ZZEF1: variants seen among roughly 807,000 people sequenced by gnomAD.
The protein encoded by ZZEF1 is zinc finger ZZ-type and EF-hand domain-containing protein 1.
Under a neutral mutation model 342.8 loss-of-function variants are expected in ZZEF1, and 157 were observed. That is an observed-to-expected ratio of 0.46 (90% CI 0.40 to 0.52). The LOEUF is 0.52. ZZEF1 is among the 20% of genes least tolerant of loss of function. The pLI, the probability that ZZEF1 is intolerant of heterozygous loss-of-function variation, is 0.00. For missense variants in ZZEF1, 3,480 were observed against 3,725.6 expected (o/e 0.93, Z 1.72); for synonymous variants, 1,505 against 1,429.1 (o/e 1.05, Z -1.20).
At chr17:4,062,044 C>A (rs953689203) in intron 30 of ZZEF1, among the ~76,000 whole-genome samples, 1 of 152,132 alleles carries the variant, frequency 6.6e-6, no homozygotes, top group Non-Finnish European at 1.5e-5. Flanking sequence ...CCTTTCTCAC[C>A]TTATCCCATC....
chr17:4,133,687 A>G (rs534476294), intron 1 of ZZEF1, among the ~76,000 whole-genome samples: 1 of 151,112 alleles, frequency 6.6e-6, no homozygotes, highest in East Asian at 1.9e-4. Context: ...ATTCTATATA[A>G]CCAAGGCTAT....
intron 42 of ZZEF1, 102 bp downstream of exon 42, chr17:4,032,024 T>A (rs1025613468): frequency 4.6e-6 from 6 of 1,302,106 alleles, no homozygotes; most frequent in Non-Finnish European, 6.2e-6. Context: ...TTTAAAAAAA[T>A]CACACGCAGG....
chr17:4,141,408 C>T lies in ZZEF1; in HGVS notation c.354+1134G>A, dbSNP rs544535955. ...TTTACTGCTTTATGTACACACCCTT[C>T]GTGGCCACTGAAGATTCTACATGAC... On this transcript the variant is annotated intron_variant, in intron 1 of 54. Transcript: ENST00000381638. Among the ~76,000 whole-genome samples the T allele has an allele frequency of 6.3e-4, 96 of 152,288 alleles. 3 individuals are homozygous for T. In the Middle Eastern group the frequency reaches 0.017, roughly 27 times the overall value.
At position 4,014,563 on chromosome 17, in the gene ZZEF1, CACTG is replaced by C; in HGVS notation, c.8146-52_8146-49del. ...ACATCTGTCGATGCTGCTCACTAGA[CACTG>C]ACTGCAGCTGTCCCATGCCGAGTCC... On this transcript the variant is annotated intron_variant, in intron 49 of 54. Coordinates refer to ENST00000381638, the MANE Select transcript of ZZEF1 (RefSeq NM_015113.4). This position sits in a 1 kb window ranked among gnomAD's most constrained non-coding sequence, Gnocchi z 4.4. 6.3e-7 allele frequency: 1 copy of C among 1,594,486 alleles called. No individual in the cohort carries two copies. The highest frequency in any genetic ancestry group is 8.6e-7 in the Non-Finnish European group (1 of 1,164,356).
intron 42 of ZZEF1, among the ~76,000 whole-genome samples, chr17:4,026,362 A>G (rs1330462334): frequency 6.6e-6 from 1 of 152,342 alleles, no homozygotes; most frequent in East Asian, 1.9e-4. Flanking sequence ...CAGAAGAAAC[A>G]TAAAGAAAAT....
Position 4,059,214 on chromosome 17 carries a change from A to G in ZZEF1, c.4960T>C (p.Phe1654Leu), listed in dbSNP as rs774716075. The change falls in exon 31 of 55, where the codon TTT (phenylalanine) becomes CTT (leucine). Residue 1654 changes from phenylalanine to leucine, a missense_variant. By Grantham distance (22) the Phe-to-Leu change is conservative. Coordinates refer to ENST00000381638, the MANE Select transcript of ZZEF1 (RefSeq NM_015113.4). ...AATCCTTTAACTGCTTTGACCAAAA[A>G]CAGAACAAGTTGATAGTAAGTGTCT... is the stretch of plus-strand genomic sequence containing the variant. ...IRDTYYQLVL[F>L]LVKAVKGFSS... 2.5e-6 allele frequency: 4 copies of G among 1,608,438 alleles called. No homozygotes were observed. The South Asian group carries it at 4.5e-5, about 18-fold the overall frequency.
intron 26 of ZZEF1, among the ~76,000 whole-genome samples, chr17:4,067,812 C>A (rs557914286): frequency 6.6e-6 from 1 of 152,270 alleles, no homozygotes; most frequent in African/African-American, 2.4e-5. Context: ...TAGCTCCCTG[C>A]AGCCTCAAAC....
At chr17:4,100,878 A>G (rs1430372553) in intron 9 of ZZEF1, among the ~76,000 whole-genome samples, 1 of 152,162 alleles carries the variant, frequency 6.6e-6, no homozygotes, top group Non-Finnish European at 1.5e-5. Flanking sequence ...ACTTCCTCAC[A>G]TGCTCCAGGA....
At chr17:4,096,431 A>G (rs1044591858) in intron 10 of ZZEF1, among the ~76,000 whole-genome samples, 178 bp downstream of exon 10, 2 of 152,234 alleles carry the variant, frequency 1.3e-5, no homozygotes, top group Non-Finnish European at 2.9e-5. Context: ...TTATAACACA[A>G]AGACTAAATG....
chr17:4,049,469 C>T (rs767517703), intron 37 of ZZEF1, among the ~76,000 whole-genome samples: 2 of 152,120 alleles, frequency 1.3e-5, no homozygotes, highest in East Asian at 1.9e-4. Flanking sequence ...GCCAAGATCA[C>T]GCCACTGCAC....
chr17:4,091,867 AG>A (rs965754581), intron 11 of ZZEF1, among the ~76,000 whole-genome samples: 4 of 151,616 alleles, frequency 2.6e-5, no homozygotes, highest in African/African-American at 9.7e-5. Context: ...ACCTGAGGTC[AG>A]GAATTCGAGA....
Position 4,059,294 on chromosome 17 carries a change from G to C in ZZEF1, c.4884-4C>G. The C allele has an allele frequency of 6.3e-7, 1 of 1,591,920 alleles. No individual in the cohort carries two copies. The highest frequency in any genetic ancestry group is 8.5e-7 in the Non-Finnish European group (1 of 1,175,212). On this transcript the variant is annotated splice_polypyrimidine_tract_variant and splice_region_variant and intron_variant, in intron 30 of 54. Coordinates refer to ENST00000381638, the MANE Select transcript of ZZEF1 (RefSeq NM_015113.4). ...GCCTTCCAGGTGTCCAAAATAACTA[G>C]AAACAGAGGAAATCACTGATTCACT... is the stretch of plus-strand genomic sequence containing the variant.
In ZZEF1 at chr17:4,022,230, C is replaced by T. The variant is rs146837816; in HGVS notation, c.7212+479G>A. Among the ~76,000 whole-genome samples the T allele has an allele frequency of 2.7e-4, 41 of 152,216 alleles. 1 individual carries two copies. The East Asian group carries it at 5.6e-3, about 21-fold the overall frequency. ...CTACATGATGGCAGCCTTTCCTGGG[C>T]CGAAAGTTGGCACTGGGCACAGAAA... is the stretch of plus-strand genomic sequence containing the variant. On this transcript the variant is annotated intron_variant, in intron 44 of 54. Coordinates refer to ENST00000381638, the MANE Select transcript of ZZEF1 (RefSeq NM_015113.4).
intron 1 of ZZEF1, among the ~76,000 whole-genome samples, chr17:4,138,199 G>A (rs2058785897): frequency 6.6e-6 from 1 of 152,238 alleles, no homozygotes; most frequent in South Asian, 2.1e-4. Flanking sequence ...AAAGCTGGCA[G>A]CCTGCTGTTG....
In ZZEF1 at chr17:4,052,283, G is replaced by A. The variant is rs998174850; in HGVS notation, c.5435-147C>T. 8 of 747,574 alleles carry A rather than the reference G, an allele frequency of 1.1e-5. No individual in the cohort carries two copies. In the South Asian group the frequency reaches 1.2e-4, roughly 11 times the overall value. 46.3% of individuals were successfully genotyped at this position (747,574 alleles called of 1,614,324 possible). A position where few individuals can be genotyped will look rare whatever the true frequency, so the allele number is the denominator to read the frequency against. Reference sequence around the variant, plus strand: ...CCCACAGGCGTTCTCTGGAGACAGGGTGCTCTGCCTGGGTGGCTCAAGGCA... The same window carrying A: ...CCCACAGGCGTTCTCTGGAGACAGGATGCTCTGCCTGGGTGGCTCAAGGCA... On this transcript the variant is annotated intron_variant, in intron 34 of 54. Coordinates refer to ENST00000381638, the MANE Select transcript of ZZEF1 (RefSeq NM_015113.4).
At chr17:4,048,777 C>G (rs992988829) in intron 37 of ZZEF1, among the ~76,000 whole-genome samples, 4 of 151,812 alleles carry the variant, frequency 2.6e-5, no homozygotes, top group Non-Finnish European at 5.9e-5. Context: ...GCAGTGGCGC[C>G]ATCTTGGCTC....
chr17:4,129,026 C>T (rs976043733), intron 1 of ZZEF1, among the ~76,000 whole-genome samples: 1 of 152,122 alleles, frequency 6.6e-6, no homozygotes, highest in African/African-American at 2.4e-5. Flanking sequence ...CTCGGCCTCC[C>T]AAAGTGCTGG....
chr17:4,086,455 G>A (rs1419038298), intron 15 of ZZEF1, 31 bp downstream of exon 15: 3 of 1,612,974 alleles, frequency 1.9e-6, no homozygotes, highest in East Asian at 2.2e-5. Context: ...CCTACACAGG[G>A]TTGTATTAAA....
At chr17:4,110,001 G>C in intron 5 of ZZEF1, 138 bp from the exon 6 acceptor site, 1 of 723,334 alleles carries the variant, frequency 1.4e-6, no homozygotes, top group Non-Finnish European at 2.3e-6. Flanking sequence ...GAAATAAATA[G>C]CATGTGCAAT....
Sources: gnomAD v4.1 joint callset for allele counts (sites outside exome capture counted in the v4.1 genomes callset) on GRCh38, gnomAD v4.1.1 for gene constraint, Gnocchi (gnomAD v3.1) non-coding constraint, MANE v1.5 for transcripts, NCBI Gene and HGNC (gene_info 2026-07-23, HGNC 2026-07-21) for gene names.